SDK1: variants seen among roughly 807,000 people sequenced by gnomAD.
SDK1 encodes sidekick cell adhesion molecule 1.
In SDK1, 157 loss-of-function variants were observed where a neutral mutation model predicts 245.5. The observed-to-expected ratio is 0.64, with a 90% CI of 0.56 to 0.73. The LOEUF is 0.73. Among genes scored for constraint, SDK1 ranks in the 30% least tolerant of loss-of-function variants. The pLI is 0.00. For missense variants in SDK1, 3,583 were observed against 3,002.3 expected (o/e 1.19, Z -4.52); for synonymous variants, 1,647 against 1,278.5 (o/e 1.29, Z -6.15).
At chr7:3,753,137 T>C (rs1779821268) in intron 4 of SDK1, among the ~76,000 whole-genome samples, 1 of 152,148 alleles carries the variant, frequency 6.6e-6, no homozygotes, top group African/African-American at 2.4e-5. Context: ...ATGGCGGCAA[T>C]ATTTTCAGGA....
intron 2 of SDK1, among the ~76,000 whole-genome samples, chr7:3,627,539 T>G (rs1291463291): frequency 6.6e-6 from 1 of 152,158 alleles, no homozygotes; most frequent in South Asian, 2.1e-4. Context: ...AGGTCAAATA[T>G]AAGCATCCAG....
intron 1 of SDK1, among the ~76,000 whole-genome samples, chr7:3,352,862 T>C (rs1252346949): frequency 6.6e-6 from 1 of 152,136 alleles, no homozygotes; most frequent in African/African-American, 2.4e-5. Flanking sequence ...TGTCCTGTAT[T>C]TTCCGAAGAG....
At position 3,897,851 on chromosome 7, in the gene SDK1, TTTTTC is replaced by T. The variant is rs1343560044; in HGVS notation, c.848-53064_848-53060del. On this transcript the variant is annotated intron_variant, in intron 5 of 44. Transcript: ENST00000404826. Reference sequence around the variant, plus strand: ...CCCTTTCTTTCCATATTCCTTTCCTTTTTTCTTTTCTTAAATTTCCCTTTTCTTAT... The same window carrying T: ...CCCTTTCTTTCCATATTCCTTTCCTTTTTTCTTAAATTTCCCTTTTCTTAT... Among the ~76,000 whole-genome samples, 12 of 152,102 alleles carry T rather than the reference TTTTTC, an allele frequency of 7.9e-5. 1 individual carries two copies.
Position 3,943,043 on chromosome 7 carries a change from A to G in SDK1, c.848-7880A>G, listed in dbSNP as rs999190129. Among the ~76,000 whole-genome samples, 4 of 152,220 alleles carry G rather than the reference A, an allele frequency of 2.6e-5. No homozygotes were observed. The East Asian group carries it at 5.8e-4, about 22-fold the overall frequency. On this transcript the variant is annotated intron_variant, in intron 5 of 44. Coordinates refer to ENST00000404826, the MANE Select transcript of SDK1 (RefSeq NM_152744.4). ...GTCCCTGTTCGAGCTGGCTGCTGCG[A>G]AAGTTTCAAGAGGCGTATTCGCCAG...
intron 17 of SDK1, among the ~76,000 whole-genome samples, chr7:4,035,279 C>G (rs1788133088): frequency 6.6e-6 from 1 of 152,068 alleles, no homozygotes; most frequent in African/African-American, 2.4e-5. Context: ...GCCACCATGC[C>G]CAGCCAGCAC....
At chr7:3,761,661 G>A (rs1228176283) in intron 4 of SDK1, among the ~76,000 whole-genome samples, 1 of 151,752 alleles carries the variant, frequency 6.6e-6, no homozygotes, top group African/African-American at 2.4e-5. Context: ...GGATGCTGGA[G>A]CGCAGAGAAC....
intron 1 of SDK1, among the ~76,000 whole-genome samples, chr7:3,398,240 G>A (rs897148870): frequency 6.6e-6 from 1 of 152,034 alleles, no homozygotes; most frequent in Non-Finnish European, 1.5e-5. Context: ...ACCGCCTTAA[G>A]TAGAGTCTGT....
chr7:3,566,360 G>T (rs1378661290), intron 1 of SDK1, among the ~76,000 whole-genome samples: 5 of 151,718 alleles, frequency 3.3e-5, no homozygotes, highest in African/African-American at 1.2e-4. Context: ...GAGTAACTGG[G>T]ACTACAGGCA....
Position 4,268,597 on chromosome 7 carries a change from A to C in SDK1, c.*3213A>C, listed in dbSNP as rs778897732. 54 of 1,363,808 alleles carry C rather than the reference A, an allele frequency of 4.0e-5. No individual in the cohort carries two copies. The highest frequency in any genetic ancestry group is 4.7e-5 in the Non-Finnish European group (48 of 1,019,772). The allele number at this position is 1,363,808 out of a possible 1,614,324, so 84.5% of individuals were successfully genotyped here. ...GTCTTCGGAGGCCGTGTTTGTATCT[A>C]ACTGTGACTGGGCTGAAGCATGATG... On this transcript the variant is annotated 3_prime_UTR_variant, in exon 45 of 45. Coordinates refer to ENST00000404826, the MANE Select transcript of SDK1 (RefSeq NM_152744.4).
intron 1 of SDK1, among the ~76,000 whole-genome samples, chr7:3,539,558 A>G (rs1031320805): frequency 1.3e-5 from 2 of 152,182 alleles, no homozygotes; most frequent in Non-Finnish European, 2.9e-5. Context: ...AGCTCAGTGG[A>G]GATGGATGGA....
intron 4 of SDK1, among the ~76,000 whole-genome samples, chr7:3,655,497 ATATATATGTATG>A (rs1783151682): frequency 1.6e-5 from 1 of 64,136 alleles, no homozygotes; most frequent in Non-Finnish European, 3.8e-5. Flanking sequence ...ATATATATAT[ATATATATGTATG>A]TATGTATATA....
In SDK1 at chr7:4,199,100, C is replaced by T. The variant is rs558456869; in HGVS notation, c.5099-6779C>T. Among the ~76,000 whole-genome samples the T allele has an allele frequency of 1.5e-3, 230 of 152,284 alleles. 1 individual carries two copies. The highest frequency in any genetic ancestry group is 4.8e-3 in the African/African-American group (201 of 41,560). The stretch of plus-strand genomic sequence containing the variant: ...AAAGTGCTGGGATTACAGGTGTGAG[C>T]CAGCGTACCCGGCCTCAGTTTTCTA... On this transcript the variant is annotated intron_variant, in intron 35 of 44. Coordinates refer to ENST00000404826, the MANE Select transcript of SDK1 (RefSeq NM_152744.4).
intron 5 of SDK1, among the ~76,000 whole-genome samples, chr7:3,830,437 A>C (rs1779885543): frequency 1.3e-5 from 2 of 152,308 alleles, no homozygotes; most frequent in South Asian, 4.1e-4. Flanking sequence ...TTTAAGCATA[A>C]GAGTTCTTTA....
intron 1 of SDK1, among the ~76,000 whole-genome samples, chr7:3,529,478 T>C (rs1043980231): frequency 5.3e-5 from 8 of 152,138 alleles, no homozygotes; most frequent in African/African-American, 1.4e-4. Context: ...TGGCCAAATT[T>C]TGGACAATTT....
At chr7:3,718,419 G>C (rs1785264836) in intron 4 of SDK1, among the ~76,000 whole-genome samples, 1 of 151,766 alleles carries the variant, frequency 6.6e-6, no homozygotes, top group African/African-American at 2.4e-5. Context: ...AAGGTGGGAG[G>C]ATCGCTTGAG....
intron 2 of SDK1, among the ~76,000 whole-genome samples, chr7:3,622,789 T>C (rs1404944000): frequency 6.6e-6 from 1 of 152,160 alleles, no homozygotes; most frequent in East Asian, 1.9e-4. Flanking sequence ...TAAGGAGGAA[T>C]GGGTGATTCT....
intron 1 of SDK1, among the ~76,000 whole-genome samples, chr7:3,379,240 G>A (rs1380201940): frequency 6.6e-6 from 1 of 152,146 alleles, no homozygotes; most frequent in Non-Finnish European, 1.5e-5. Context: ...GACCTGTCAC[G>A]ATGGAGCTTA....
intron 19 of SDK1, among the ~76,000 whole-genome samples, chr7:4,053,892 T>C (rs976949167): frequency 3.3e-5 from 5 of 152,146 alleles, no homozygotes; most frequent in African/African-American, 1.2e-4. Flanking sequence ...TGGCTTTTTT[T>C]GTTTTTTGGG....
At position 4,110,680 on chromosome 7, in the gene SDK1, CGAG is replaced by C. The variant is rs762191536; in HGVS notation, c.3349_3351del (p.Glu1117del). 2.5e-6 allele frequency: 4 copies of C among 1,613,248 alleles called. No homozygotes were observed. The highest frequency in any genetic ancestry group is 4.5e-5 in the East Asian group (2 of 44,852). The stretch of plus-strand genomic sequence containing the variant: ...CTGCACAGGTGGGAGCTATCGGCGA[CGAG>C]GAGGAGTGGGTCACCCTCTATGAAG... On this transcript the variant is annotated inframe_deletion, in exon 23 of 45. Transcript: ENST00000404826.
Sources: gnomAD v4.1 joint callset for allele counts (sites outside exome capture counted in the v4.1 genomes callset) on GRCh38, gnomAD v4.1.1 for gene constraint, MANE v1.5 for transcripts, NCBI Gene and HGNC (gene_info 2026-07-23, HGNC 2026-07-21) for gene names.